MKNK1: variants seen among roughly 807,000 people sequenced by gnomAD.
MKNK1 encodes the protein MAPK interacting serine/threonine kinase 1, also known as MAP kinase-interacting serine/threonine-protein kinase 1.
A neutral mutation model predicts 49.3 loss-of-function variants in MKNK1; 30 were observed. The ratio of observed to expected loss-of-function variants is 0.61; its 90% CI spans 0.46 to 0.83. The LOEUF (loss-of-function observed/expected upper bound fraction) is 0.83. MKNK1 is among the 40% of genes least tolerant of loss of function. The pLI is 0.00. For missense variants in MKNK1, 423 were observed against 524.7 expected (o/e 0.81, Z 1.89); for synonymous variants, 176 against 201.7 (o/e 0.87, Z 1.08).
intron 7 of MKNK1, among the ~76,000 whole-genome samples, chr1:46,570,967 G>A (rs1670015119): frequency 6.6e-6 from 1 of 152,170 alleles, no homozygotes; most frequent in African/African-American, 2.4e-5. Context: ...TCTCACCATA[G>A]GGTAGGCATT....
intron 2 of MKNK1, chr1:46,586,093 T>G (rs1005990072): frequency 2.6e-6 from 1 of 391,150 alleles, no homozygotes; most frequent in African/African-American, 2.1e-5. Flanking sequence ...TAGTTGCCCA[T>G]GTGGAGCCTG....
At position 46,572,267 on chromosome 1, in the gene MKNK1, G is replaced by A. The variant is rs561253997; in HGVS notation, c.353-100C>T. 35 of 949,076 alleles carry A rather than the reference G, an allele frequency of 3.7e-5. 1 individual carries two copies. In the South Asian group the frequency reaches 5.1e-4, roughly 14 times the overall value. The allele number at this position is 949,076 out of a possible 1,614,324, so 58.8% of individuals were successfully genotyped here. A position where few individuals can be genotyped will look rare whatever the true frequency, so the allele number is the denominator to read the frequency against. On this transcript the variant is annotated intron_variant, in intron 6 of 12. Transcript: ENST00000371945. ...CTCACTCTGTTACCCAGGCTGGAGAGTAGTGGCACGATCTCGGCTCACTGC... is the reference window on the plus strand; with the variant it reads ...CTCACTCTGTTACCCAGGCTGGAGAATAGTGGCACGATCTCGGCTCACTGC...
chr1:46,576,222 A>C (rs951362561), intron 5 of MKNK1: 1 of 258,454 alleles, frequency 3.9e-6, no homozygotes, highest in African/African-American at 2.2e-5. Context: ...CTTGGTATTA[A>C]GGCAAGTCCT....
At chr1:46,596,532 G>A (rs907753870) in intron 1 of MKNK1, among the ~76,000 whole-genome samples, 1 of 152,322 alleles carries the variant, frequency 6.6e-6, no homozygotes, top group Admixed American at 6.5e-5. Flanking sequence ...TTAGGCTGGG[G>A]AAGTAGAAAG....
At chr1:46,574,718 T>C (rs1298427808) in intron 6 of MKNK1, 2 of 518,982 alleles carry the variant, frequency 3.9e-6, no homozygotes, top group East Asian at 6.2e-5. Context: ...ACTCCTATTA[T>C]AATGAAAAGG....
At chr1:46,598,894 A>G (rs1312770422) in intron 1 of MKNK1, among the ~76,000 whole-genome samples, 1 of 152,234 alleles carries the variant, frequency 6.6e-6, no homozygotes, top group Non-Finnish European at 1.5e-5. Context: ...CCAGGACATT[A>G]GCAAGAGTTG....
chr1:46,604,126 C>T (rs1411245553), intron 1 of MKNK1, 59 bp downstream of exon 1: 1 of 152,316 alleles, frequency 6.6e-6, no homozygotes, highest in Non-Finnish European at 1.5e-5. Flanking sequence ...CACACGAGCT[C>T]ACTCACAGAC....
At chr1:46,595,141 A>T (rs147782071) in intron 1 of MKNK1, 1 of 156,078 alleles carries the variant, frequency 6.4e-6, no homozygotes, top group African/African-American at 2.4e-5. Context: ...CGAATACATA[A>T]TTATTGCTAG....
At chr1:46,573,959 C>T (rs1337602156) in intron 6 of MKNK1, 1 of 152,220 alleles carries the variant, frequency 6.6e-6, no homozygotes, top group Non-Finnish European at 1.5e-5. Flanking sequence ...TCTTGAACTC[C>T]TGACCTCAAG....
chr1:46,559,969 A>G (rs1176010305), intron 12 of MKNK1, among the ~76,000 whole-genome samples: 1 of 152,164 alleles, frequency 6.6e-6, no homozygotes, highest in Non-Finnish European at 1.5e-5. Context: ...TTACAGTTCA[A>G]TGGGCAAAAC....
chr1:46,558,239 C>A lies in MKNK1; in HGVS notation c.*336G>T. 3.9e-6 allele frequency: 1 copy of A among 259,300 alleles called. No homozygotes were observed. The allele number at this position is 259,300 out of a possible 1,614,324, so 16.1% of individuals were successfully genotyped here. ...TCTCCCTGCAGGCTGCAGCCCCAGC[C>A]GCCACAGCTACAGCGGTGAGAGCAG... On this transcript the variant is annotated 3_prime_UTR_variant, in exon 13 of 13. Transcript: ENST00000371945.
At chr1:46,600,215 A>C (rs1425099125) in intron 1 of MKNK1, among the ~76,000 whole-genome samples, 1 of 152,148 alleles carries the variant, frequency 6.6e-6, no homozygotes, top group Non-Finnish European at 1.5e-5. Context: ...TCAGTTATTT[A>C]TGTACTTATC....
At chr1:46,603,270 T>C (rs1176771913) in intron 1 of MKNK1, among the ~76,000 whole-genome samples, 2 of 152,182 alleles carry the variant, frequency 1.3e-5, no homozygotes, top group African/African-American at 4.8e-5. Context: ...GTCCAGCATG[T>C]GCCTGGCGCA....
chr1:46,565,675 G>A (rs1199914265), intron 8 of MKNK1, among the ~76,000 whole-genome samples: 3 of 152,186 alleles, frequency 2.0e-5, no homozygotes, highest in African/African-American at 7.2e-5. Context: ...ACCGTAGGTG[G>A]CATCAACACA....
chr1:46,593,036 C>A (rs1673554839), intron 2 of MKNK1, among the ~76,000 whole-genome samples: 1 of 152,044 alleles, frequency 6.6e-6, no homozygotes, highest in Admixed American at 6.5e-5. Context: ...CAGGCTAAAA[C>A]CACTCTCACT....
At chr1:46,574,683 C>T (rs1570165265) in intron 6 of MKNK1, 7 of 394,590 alleles carry the variant, frequency 1.8e-5, no homozygotes, top group Non-Finnish European at 2.7e-5. Flanking sequence ...ATTGATAAAT[C>T]GATGACTAAA....
At position 46,581,565 on chromosome 1, in the gene MKNK1, A is replaced by C. The variant is rs375744611; in HGVS notation, c.101-938T>G. On this transcript the variant is annotated intron_variant, in intron 3 of 12. Coordinates refer to ENST00000371945, the MANE Select transcript of MKNK1 (RefSeq NM_001135553.4). ...TGGTCAGAGAATCTGGAGGATCATC[A>C]GAGGAGAAGTGGTATGATTTGAATG... 5.3e-5 allele frequency among the ~76,000 whole-genome samples: 8 copies of C among 151,524 alleles called. No individual in the cohort carries two copies. In the South Asian group the frequency reaches 1.7e-3, roughly 32 times the overall value.
chr1:46,576,107 C>T (rs570507202), intron 5 of MKNK1: 3 of 157,120 alleles, frequency 1.9e-5, no homozygotes, highest in South Asian at 1.8e-4. Flanking sequence ...AGAGATGAGC[C>T]GGACCCAGCT....
intron 2 of MKNK1, among the ~76,000 whole-genome samples, chr1:46,588,005 T>C (rs1320451634): frequency 2.0e-5 from 3 of 152,352 alleles, no homozygotes; most frequent in East Asian, 3.9e-4. Context: ...TCTGTACATA[T>C]TATCTCTAAT....
Sources: gnomAD v4.1 joint callset for allele counts (sites outside exome capture counted in the v4.1 genomes callset) on GRCh38, gnomAD v4.1.1 for gene constraint, MANE v1.5 for transcripts, NCBI Gene and HGNC (gene_info 2026-07-23, HGNC 2026-07-21) for gene names.